Variants in NUP133 observed in about 807,000 individuals in gnomAD.
The protein encoded by NUP133 is nuclear pore complex protein Nup133.
NUP133 carries 66 observed loss-of-function variants against 146.2 expected under a neutral mutation model. That is an observed-to-expected ratio of 0.45 (90% CI 0.37 to 0.55). The LOEUF (loss-of-function observed/expected upper bound fraction) is 0.55, where lower values mean the gene tolerates loss of function less well. NUP133 is among the 20% of genes least tolerant of loss of function. The pLI, the probability that NUP133 is intolerant of heterozygous loss-of-function variation, is 0.00. For synonymous variants in NUP133, 521 were observed against 498.8 expected, an observed-to-expected ratio of 1.04 and a Z score of -0.59; for missense variants, 1,277 against 1,374.8, an observed-to-expected ratio of 0.93 and a Z score of 1.12.
intron 21 of NUP133, among the ~76,000 whole-genome samples, chr1:229,455,857 A>T (rs990670303): frequency 3.3e-5 from 5 of 152,210 alleles, no homozygotes; most frequent in African/African-American, 1.2e-4. Flanking sequence ...ATCATCTAAT[A>T]CTAAGTATGT....
rs1484984420 is a variant in NUP133, at chr1:229,499,719, C to G, written c.613G>C (p.Gly205Arg). The change falls in exon 5 of 26, where the codon GGT becomes CGT. Residue 205 changes from glycine (G) to arginine (R), a missense_variant. By Grantham distance (125) the Gly-to-Arg change is moderately radical. Around this residue, in one of 3 missense-constraint regions of NUP133, gnomAD observed 319 missense variants for 306.9 expected, o/e 1.04. Transcript: ENST00000261396. ...GTTAGGAAACTGTAAGTCTTATCACCTCCCGAATCTACAAAAGCCTCTGTG... is the reference window on the plus strand; with the variant it reads ...GTTAGGAAACTGTAAGTCTTATCACGTCCCGAATCTACAAAAGCCTCTGTG... ...TYTEAFVDSG[G>R]DKTYSFLTAV... 1.2e-6 allele frequency: 2 copies of G among 1,614,088 alleles called. No individual in the cohort carries two copies. The highest frequency in any genetic ancestry group is 3.3e-5 in the Admixed American group (2 of 60,020).
At chr1:229,454,312 A>G (rs1660516727) in intron 21 of NUP133, among the ~76,000 whole-genome samples, 1 of 152,198 alleles carries the variant, frequency 6.6e-6, no homozygotes, top group African/African-American at 2.4e-5. Context: ...CCTCATAAAC[A>G]CAGCATTCAC....
chr1:229,485,722 G>A (rs1661332007), intron 11 of NUP133, among the ~76,000 whole-genome samples: 1 of 152,114 alleles, frequency 6.6e-6, no homozygotes, highest in African/African-American at 2.4e-5. Context: ...AAAAATACCA[G>A]AATAAATCAC....
chr1:229,459,068 A>G (rs541848176), intron 20 of NUP133, among the ~76,000 whole-genome samples: 1 of 152,334 alleles, frequency 6.6e-6, no homozygotes, highest in East Asian at 1.9e-4. Flanking sequence ...GTAATAATAT[A>G]TGTATGTGAT....
At chr1:229,503,300 A>G (rs887507870) in intron 2 of NUP133, among the ~76,000 whole-genome samples, 1 of 152,148 alleles carries the variant, frequency 6.6e-6, no homozygotes, top group Non-Finnish European at 1.5e-5. Context: ...CAAAAAAGAA[A>G]TATTTAGCAA....
intron 24 of NUP133, among the ~76,000 whole-genome samples, chr1:229,448,109 C>T (rs901198996): frequency 6.6e-6 from 1 of 152,232 alleles, no homozygotes; most frequent in African/African-American, 2.4e-5. Flanking sequence ...TGGCAACCAA[C>T]GTTGGGAAGT....
intron 23 of NUP133, 47 bp downstream of exon 23, chr1:229,450,478 A>G: frequency 1.1e-6 from 1 of 948,794 alleles, no homozygotes; most frequent in East Asian, 2.6e-5. Flanking sequence ...CCCTCTTTTT[A>G]TATATGTATT....
chr1:229,485,079 G>A (rs1661315360), intron 11 of NUP133, among the ~76,000 whole-genome samples: 1 of 152,060 alleles, frequency 6.6e-6, no homozygotes, highest in African/African-American at 2.4e-5. Flanking sequence ...CTTATGGATA[G>A]GATATTTCAG....
At chr1:229,462,721 TA>T (rs908959593) in intron 19 of NUP133, among the ~76,000 whole-genome samples, 1 of 152,108 alleles carries the variant, frequency 6.6e-6, no homozygotes, top group African/African-American at 2.4e-5. Flanking sequence ...GCATGTTTTT[TA>T]AAAAAATTTT....
At chr1:229,474,151 T>C (rs887125171) in intron 14 of NUP133, among the ~76,000 whole-genome samples, 1 of 152,204 alleles carries the variant, frequency 6.6e-6, no homozygotes, top group Non-Finnish European at 1.5e-5. Flanking sequence ...TAGCCTCTGT[T>C]GACAGTTGGA....
chr1:229,463,655 C>T lies in NUP133; in HGVS notation c.2573G>A (p.Trp858Ter). ...SPLLSLGQYL[W>*]AASLAEKYCD... ...GTATTTCTCTGCTAGAGAAGCAGCC[C>T]ACAGGTACTGGCCTAGTGAAACTGT... The change falls in exon 19 of 26, where the codon TGG becomes TAG. Residue 858 changes from tryptophan (W) to a stop codon, truncating the protein, a stop_gained. Coordinates refer to ENST00000261396, the MANE Select transcript of NUP133 (RefSeq NM_018230.3). LOFTEE classifies it high-confidence loss of function. 1 of 1,613,590 alleles carries T rather than the reference C, an allele frequency of 6.2e-7. No individual in the cohort carries two copies. The highest frequency in any genetic ancestry group is 8.5e-7 in the Non-Finnish European group (1 of 1,179,864).
chr1:229,500,717 T>C, intron 4 of NUP133, 39 bp downstream of exon 4: 1 of 1,226,546 alleles, frequency 8.2e-7, no homozygotes, highest in Non-Finnish European at 1.2e-6. Flanking sequence ...ATGTCCTTGT[T>C]GTAAAAAGTT....
intron 8 of NUP133, among the ~76,000 whole-genome samples, chr1:229,491,825 C>G (rs1661523287): frequency 6.6e-6 from 1 of 152,088 alleles, no homozygotes; most frequent in Non-Finnish European, 1.5e-5. Context: ...TGTGTTTAAT[C>G]CAAGCACTTT....
chr1:229,506,212 C>G, intron 1 of NUP133, 54 bp from the exon 2 acceptor site: 5 of 1,007,602 alleles, frequency 5.0e-6, no homozygotes, highest in Non-Finnish European at 7.4e-6. Context: ...CTCCATTATC[C>G]TAATTTTTTA....
intron 4 of NUP133, among the ~76,000 whole-genome samples, chr1:229,500,202 C>T (rs1419638737): frequency 4.6e-5 from 7 of 152,060 alleles, no homozygotes; most frequent in Non-Finnish European, 8.8e-5. Context: ...GGCAAAGCAA[C>T]GCTTTAAATT....
chr1:229,476,950 A>AAAC (rs1661091543), intron 13 of NUP133, among the ~76,000 whole-genome samples: 1 of 151,762 alleles, frequency 6.6e-6, no homozygotes, highest in African/African-American at 2.4e-5. Context: ...ACAAAAAAAA[A>AAAC]AACTGGGATT....
intron 14 of NUP133, among the ~76,000 whole-genome samples, chr1:229,472,939 A>C (rs1328010559): frequency 6.6e-6 from 1 of 151,754 alleles, no homozygotes; most frequent in Non-Finnish European, 1.5e-5. Flanking sequence ...GAGAAAAGGA[A>C]TATTTCTCTG....
chr1:229,462,759 C>T (rs1425974892), intron 19 of NUP133, among the ~76,000 whole-genome samples: 1 of 151,888 alleles, frequency 6.6e-6, no homozygotes, highest in Non-Finnish European at 1.5e-5. Context: ...TCTATGTTGC[C>T]CAGGCTGGCC....
intron 18 of NUP133, 87 bp downstream of exon 18, chr1:229,464,537 C>A: frequency 6.9e-7 from 1 of 1,454,468 alleles, no homozygotes; most frequent in Non-Finnish European, 9.4e-7. Flanking sequence ...TGGATTAACA[C>A]TACCACACTG....
Sources: gnomAD v4.1 joint callset for allele counts (sites outside exome capture counted in the v4.1 genomes callset) on GRCh38, gnomAD v4.1.1 for gene constraint, gnomAD v4.1.1 regional missense constraint, MANE v1.5 for transcripts, NCBI Gene and HGNC (gene_info 2026-07-23, HGNC 2026-07-21) for gene names.